The following SAMMSON variants were observed in gnomAD, a reference collection of about 807,000 sequenced individuals.
SAMMSON encodes long intergenic non-protein coding RNA 1212.
intron 2 of SAMMSON, among the ~76,000 whole-genome samples, chr3:70,420,147 T>C (rs1218935198): frequency 2.0e-5 from 3 of 152,186 alleles, no homozygotes; most frequent in African/African-American, 7.2e-5. Flanking sequence ...TGAATTTACT[T>C]ATAATAAACT....
At chr3:70,349,267 G>A (rs746753972) in intron 7 of SAMMSON, among the ~76,000 whole-genome samples, 7 of 152,046 alleles carry the variant, frequency 4.6e-5, no homozygotes, top group Non-Finnish European at 7.4e-5. Context: ...CCAGCTACTC[G>A]GGAGGCTGGG....
chr3:70,343,929 T>C (rs977796403), intron 7 of SAMMSON, among the ~76,000 whole-genome samples: 12 of 150,372 alleles, frequency 8.0e-5, no homozygotes, highest in African/African-American at 2.4e-4. Context: ...TAATATAATT[T>C]TATATTATTT....
rs115068214 is a variant in SAMMSON, at chr3:70,405,990, G to A, written n.233+47666G>A. Reference sequence around the variant, plus strand: ...ATACAGGGAGTCTATTGTAAAACATGGTGACTATATTTAGTAACAATGTAT... The same window carrying A: ...ATACAGGGAGTCTATTGTAAAACATAGTGACTATATTTAGTAACAATGTAT... On this transcript the variant is annotated intron_variant and non_coding_transcript_variant, in intron 2 of 3. Transcript: ENST00000641053. Among the ~76,000 whole-genome samples the A allele has an allele frequency of 2.4e-3, 361 of 152,182 alleles. 4 individuals carry two copies. The highest frequency in any genetic ancestry group is 8.4e-3 in the African/African-American group (348 of 41,528).
intron 4 of SAMMSON, among the ~76,000 whole-genome samples, chr3:70,154,666 A>G (rs1420672347): frequency 1.3e-5 from 2 of 152,090 alleles, no homozygotes; most frequent in Non-Finnish European, 2.9e-5. Flanking sequence ...AGTCTCCTTA[A>G]AGAAGTTTGA....
At chr3:70,177,957 T>A (rs1559528727) in intron 4 of SAMMSON, among the ~76,000 whole-genome samples, 1 of 152,222 alleles carries the variant, frequency 6.6e-6, no homozygotes, top group Non-Finnish European at 1.5e-5. Flanking sequence ...TACAGTTGGA[T>A]GTTCTCTATA....
At chr3:70,045,034 T>TA (rs2067119468) in intron 3 of SAMMSON, among the ~76,000 whole-genome samples, 1 of 123,018 alleles carries the variant, frequency 8.1e-6, no homozygotes, top group African/African-American at 3.4e-5. Context: ...ATAATATATA[T>TA]TATAATTAAT....
intron 6 of SAMMSON, among the ~76,000 whole-genome samples, chr3:70,267,578 A>ATTTTTT (rs377637066): frequency 1.6e-4 from 21 of 132,806 alleles, no homozygotes; most frequent in African/African-American, 5.7e-4. Flanking sequence ...AATTTTTTGT[A>ATTTTTT]TTTTTTTTTT....
chr3:70,366,745 C>G (rs1702923676), intron 9 of SAMMSON, among the ~76,000 whole-genome samples: 1 of 151,538 alleles, frequency 6.6e-6, no homozygotes, highest in Non-Finnish European at 1.5e-5. Flanking sequence ...TTGTAGGAAG[C>G]TGCTGAACTG....
In SAMMSON at chr3:70,291,200, G is replaced by T. The variant is rs144620816; in HGVS notation, n.696G>T. The T allele has an allele frequency of 7.9e-3, 1,197 of 152,252 alleles. 9 individuals are homozygous for T. Among genetic ancestry groups the T allele is most frequent in the Middle Eastern group, 0.038 (11 of 292 alleles). The allele number at this position is 152,252 out of a possible 1,614,324, so 9.4% of individuals were successfully genotyped here. ...CCAGGGCCCTGGAGCCAGACTGTCT[G>T]GGGTTTGAAATCAGCTCCTCCACCT... On this transcript the variant is annotated non_coding_transcript_exon_variant, in exon 7 of 10. Coordinates refer to ENST00000642114, the Ensembl canonical transcript of SAMMSON.
chr3:70,176,336 A>T (rs549282595), intron 4 of SAMMSON, among the ~76,000 whole-genome samples: 1 of 152,164 alleles, frequency 6.6e-6, no homozygotes, highest in Non-Finnish European at 1.5e-5. Flanking sequence ...AGCCTCTGTT[A>T]TACACAAGTA....
intron 6 of SAMMSON, among the ~76,000 whole-genome samples, chr3:70,259,692 T>C (rs996154024): frequency 2.0e-5 from 3 of 152,348 alleles, no homozygotes; most frequent in South Asian, 2.1e-4. Context: ...CCATGGCTAC[T>C]GTAACAAAGT....
At chr3:70,025,495 G>A (rs558804557) in intron 3 of SAMMSON, among the ~76,000 whole-genome samples, 13 of 152,194 alleles carry the variant, frequency 8.5e-5, no homozygotes, top group Admixed American at 3.9e-4. Context: ...CACCCGCCTC[G>A]GCCTCCCAAA....
At chr3:70,205,286 G>A (rs958260115) in intron 4 of SAMMSON, 20 of 151,980 alleles carry the variant, frequency 1.3e-4, no homozygotes, top group African/African-American at 4.6e-4. Flanking sequence ...ATTTAGATGA[G>A]CCATGTGCTC....
At chr3:70,290,759 G>C (rs547141205) in intron 6 of SAMMSON, among the ~76,000 whole-genome samples, 1 of 152,164 alleles carries the variant, frequency 6.6e-6, no homozygotes, top group Non-Finnish European at 1.5e-5. Flanking sequence ...TTATAATCTC[G>C]TGGTGCGCCG....
At chr3:70,427,595 G>T (rs867484709) in intron 2 of SAMMSON, among the ~76,000 whole-genome samples, 4 of 152,002 alleles carry the variant, frequency 2.6e-5, no homozygotes, top group African/African-American at 9.7e-5. Context: ...AAAATTAGCC[G>T]GGCATGGTGG....
intron 4 of SAMMSON, chr3:70,204,800 T>C (rs1701275044): frequency 6.6e-6 from 1 of 152,076 alleles, no homozygotes; most frequent in Non-Finnish European, 1.5e-5. Flanking sequence ...CCCTGATAGG[T>C]CAGATCAGAG....
At chr3:70,193,957 A>G (rs1701152446) in intron 4 of SAMMSON, among the ~76,000 whole-genome samples, 2 of 152,226 alleles carry the variant, frequency 1.3e-5, no homozygotes, top group Non-Finnish European at 2.9e-5. Flanking sequence ...AAAAAACTGA[A>G]GCGACTTTCG....
chr3:70,361,205 G>T (rs558642244), intron 9 of SAMMSON, among the ~76,000 whole-genome samples: 1 of 152,250 alleles, frequency 6.6e-6, no homozygotes, highest in African/African-American at 2.4e-5. Context: ...TAGTCTCCTT[G>T]TGAGTCATCA....
intron 7 of SAMMSON, among the ~76,000 whole-genome samples, chr3:70,309,951 A>G (rs549281011): frequency 7.9e-5 from 12 of 152,298 alleles, no homozygotes; most frequent in Admixed American, 3.3e-4. Flanking sequence ...TTGGCCTATC[A>G]ATTTCATTAT....
Sources: gnomAD v4.1 joint callset for allele counts (sites outside exome capture counted in the v4.1 genomes callset) on GRCh38, gnomAD v4.1.1 for gene constraint, MANE v1.5 for transcripts, NCBI Gene and HGNC (gene_info 2026-07-23, HGNC 2026-07-21) for gene names.